Variants in TBL3 observed in about 807,000 individuals in gnomAD.
The protein encoded by TBL3 is transducin beta-like protein 3.
In TBL3, 71 loss-of-function variants were observed where a neutral mutation model predicts 102.7. The ratio of observed to expected loss-of-function variants is 0.69; its 90% CI spans 0.57 to 0.84. The LOEUF (loss-of-function observed/expected upper bound fraction) is 0.84. Ranked by LOEUF, TBL3 falls within the 40% of genes least tolerant of loss-of-function variation. TBL3 has a pLI of 0.00. For missense variants in TBL3, 1,188 were observed against 1,098.5 expected (o/e 1.08, Z -1.15); for synonymous variants, 578 against 477.7 (o/e 1.21, Z -2.74).
At chr16:1,974,016 G>C (rs1257579465) in intron 1 of TBL3, 40 bp from the exon 2 acceptor site, 4 of 1,514,168 alleles carry the variant, frequency 2.6e-6, no homozygotes, top group Middle Eastern at 2.0e-4. Context: ...GGGGACTGAG[G>C]GGGTGGGTGG....
rs1245417734 is a variant in TBL3 at position 1,975,373 on chromosome 16, A to G, written c.740A>G (p.Glu247Gly). The G allele has an allele frequency of 6.2e-7, 1 of 1,613,984 alleles. No homozygotes were observed. Among genetic ancestry groups the G allele is most frequent in the South Asian group, 1.1e-5 (1 of 91,090 alleles). Residue 247 changes from glutamate (E) to glycine (G), a missense_variant, in exon 9 of 22, where the codon GAG (glutamate) becomes GGG (glycine). Coordinates refer to ENST00000568546, the MANE Select transcript of TBL3 (RefSeq NM_006453.3). ...ESVEAAVLLPEEPVSQLGVKS... is the reference protein window; with the variant it reads ...ESVEAAVLLPGEPVSQLGVKS... ...GTGGAGGCTGCTGTGCTGTTGCCAGAGGAGCCAGTGTCCCAGCTGGGTGTG... is the reference window on the plus strand; with the variant it reads ...GTGGAGGCTGCTGTGCTGTTGCCAGGGGAGCCAGTGTCCCAGCTGGGTGTG...
rs372559680 is a variant in TBL3 at position 1,978,688 on chromosome 16, G to T, written c.*3G>T. 1.2e-6 allele frequency: 2 copies of T among 1,604,774 alleles called. No individual in the cohort carries two copies. Among genetic ancestry groups the T allele is most frequent in the Non-Finnish European group, 1.7e-6 (2 of 1,174,020 alleles). ...CCCATAAAGGCGCACTGCCCTAGCC[G>T]GTCCGGCCTCTCTCCAGTCCATCCT... On this transcript the variant is annotated 3_prime_UTR_variant, in exon 22 of 22. Transcript: ENST00000568546.
chr16:1,972,235 G>A (rs1356229898), intron 1 of TBL3, 30 bp downstream of exon 1: 2 of 1,333,132 alleles, frequency 1.5e-6, no homozygotes, highest in South Asian at 1.9e-5. Context: ...GCCGTGCGGG[G>A]AGGGAGCTGG....
At position 1,981,272 on chromosome 16, in the gene TBL3, C is replaced by T; in HGVS notation, c.*2587C>T. The T allele has an allele frequency of 6.4e-7, 1 of 1,564,434 alleles. No homozygotes were observed. Among genetic ancestry groups the T allele is most frequent in the South Asian group, 1.2e-5 (1 of 85,632 alleles). On this transcript the variant is annotated 3_prime_UTR_variant, in exon 22 of 22. Transcript: ENST00000568546. ...GGGCTCTGGGGGACCCAGAAAACCC[C>T]CTGGGATAGAATCCTGGCAACACCT...
chr16:1,977,084 G>A lies in TBL3; in HGVS notation c.1471G>A (p.Asp491Asn), dbSNP rs776696689. 1.4e-5 allele frequency: 23 copies of A among 1,613,236 alleles called. No homozygotes were observed. Among genetic ancestry groups the A allele is most frequent in the Middle Eastern group, 1.6e-4 (1 of 6,062 alleles). ...CAACAGCGTGGCTATTGCCCCCAAC[G>A]ACAAGCTGCTGGCCACAGGCTCACA... is the stretch of plus-strand genomic sequence containing the variant. The part of the protein sequence containing the change: ...DINSVAIAPN[D>N]KLLATGSQDR... The change falls in exon 15 of 22, where the codon GAC becomes AAC. Residue 491 changes from aspartate to asparagine, a missense_variant. Coordinates refer to ENST00000568546, the MANE Select transcript of TBL3 (RefSeq NM_006453.3).
At position 1,981,434 on chromosome 16, in the gene TBL3, A is replaced by C; in HGVS notation, c.*2749A>C. The C allele has an allele frequency of 1.1e-6, 1 of 891,688 alleles. No individual in the cohort carries two copies. The highest frequency in any genetic ancestry group is 1.6e-6 in the Non-Finnish European group (1 of 613,864). 55.2% of individuals were successfully genotyped at this position (891,688 alleles called of 1,614,324 possible). ...GGCAGAGCTGCTGGGAGGAAGAAGA[A>C]GAATGAGCTTTCCAGCCCTGGAGGC... On this transcript the variant is annotated 3_prime_UTR_variant, in exon 22 of 22. Coordinates refer to ENST00000568546, the MANE Select transcript of TBL3 (RefSeq NM_006453.3).
intron 6 of TBL3, 24 bp downstream of exon 6, chr16:1,974,871 G>A (rs374057780): frequency 3.7e-6 from 6 of 1,612,918 alleles, no homozygotes; most frequent in Non-Finnish European, 4.2e-6. Flanking sequence ...TGGAGGGGGA[G>A]GGCAGAGGCA....
In TBL3 at chr16:1,981,378, G is replaced by A. The variant is rs1044059079; in HGVS notation, c.*2693G>A. On this transcript the variant is annotated 3_prime_UTR_variant, in exon 22 of 22. Coordinates refer to ENST00000568546, the MANE Select transcript of TBL3 (RefSeq NM_006453.3). The stretch of plus-strand genomic sequence containing the variant: ...GCTGTCCCCCAAGCCCACGATCTGG[G>A]GGCAGGAGCACAGGGATTGGGGGAC... 1.5e-6 allele frequency: 2 copies of A among 1,354,042 alleles called. No individual in the cohort carries two copies. Among genetic ancestry groups the A allele is most frequent in the African/African-American group, 1.5e-5 (1 of 68,208 alleles). 83.9% of individuals were successfully genotyped at this position (1,354,042 alleles called of 1,614,324 possible). A position where few individuals can be genotyped will look rare whatever the true frequency, so the allele number is the denominator to read the frequency against.
chr16:1,976,756 T>C (rs2083405013), intron 13 of TBL3, 58 bp from the exon 14 acceptor site: 1 of 1,598,104 alleles, frequency 6.3e-7, no homozygotes, highest in East Asian at 2.2e-5. Flanking sequence ...TGTGGGGAGC[T>C]GGCCATCAGG....
At position 1,974,976 on chromosome 16, in the gene TBL3, G is replaced by A. The variant is rs764988315; in HGVS notation, c.513G>A (p.Ser171=). ...PDPTRLLLFS[S]ATDAAIRVWS... ...CTACACGCCTGCTGCTCTTCTCCTC[G>A]GCCACGGATGCCGCCATCCGCGTGT... The change falls in exon 7 of 22, where the codon TCG becomes TCA. Residue 171 remains serine (S), a synonymous_variant. Coordinates refer to ENST00000568546, the MANE Select transcript of TBL3 (RefSeq NM_006453.3). 35 of 1,608,686 alleles carry A rather than the reference G, an allele frequency of 2.2e-5. No individual in the cohort carries two copies. The highest frequency in any genetic ancestry group is 6.7e-5 in the East Asian group (3 of 44,888).
At position 1,974,372 on chromosome 16, in the gene TBL3, C is replaced by G. The variant is rs1012789784; in HGVS notation, c.190-4C>G. The G allele has an allele frequency of 6.2e-7, 1 of 1,608,866 alleles. No individual in the cohort carries two copies. The highest frequency in any genetic ancestry group is 1.3e-5 in the African/African-American group (1 of 74,998). On this transcript the variant is annotated splice_polypyrimidine_tract_variant and splice_region_variant and intron_variant, in intron 3 of 21. Transcript: ENST00000568546. Reference sequence around the variant, plus strand: ...CGTGCTCGGCACACCACTCTTTCTCCTAGGAGGACCAGGAGGACATCACTG... The same window carrying G: ...CGTGCTCGGCACACCACTCTTTCTCGTAGGAGGACCAGGAGGACATCACTG...
chr16:1,981,322 C>A lies in TBL3; in HGVS notation c.*2637C>A. ...TCAAGCCTGTGGGGTCCTTGTGGAG[C>A]CGCCCCAGCTGAGTCCTTTGCAGCT... On this transcript the variant is annotated 3_prime_UTR_variant, in exon 22 of 22. Transcript: ENST00000568546. The A allele has an allele frequency of 2.8e-6, 4 of 1,453,774 alleles. No individual in the cohort carries two copies. Among genetic ancestry groups the A allele is most frequent in the Non-Finnish European group, 3.6e-6 (4 of 1,105,662 alleles). The allele number at this position is 1,453,774 out of a possible 1,614,324, so 90.1% of individuals were successfully genotyped here.
In TBL3 at chr16:1,975,541, T is replaced by C. The variant is rs2150883344; in HGVS notation, c.818T>C (p.Val273Ala). 1 of 1,597,832 alleles carries C rather than the reference T, an allele frequency of 6.3e-7. No individual in the cohort carries two copies. Among genetic ancestry groups the C allele is most frequent in the Non-Finnish European group, 8.5e-7 (1 of 1,176,742 alleles). Residue 273 changes from valine (V) to alanine (A), a missense_variant, in exon 10 of 22, where the codon GTG (valine) becomes GCG (alanine). Coordinates refer to ENST00000568546, the MANE Select transcript of TBL3 (RefSeq NM_006453.3). ...CCCACCCACACAGGCACTCTGCGCG[T>C]GTGGGAGGCAGCTTCTGGGCAGTGT... ...LTAGDQGTLR[V>A]WEAASGQCVY... is the part of the protein sequence containing the mutation.
Position 1,981,283 on chromosome 16 carries a change from A to G in TBL3, c.*2598A>G. On this transcript the variant is annotated 3_prime_UTR_variant, in exon 22 of 22. Transcript: ENST00000568546. Reference sequence around the variant, plus strand: ...GACCCAGAAAACCCCCTGGGATAGAATCCTGGCAACACCTCAAGCCTGTGG... The same window carrying G: ...GACCCAGAAAACCCCCTGGGATAGAGTCCTGGCAACACCTCAAGCCTGTGG... The G allele has an allele frequency of 6.5e-7, 1 of 1,535,732 alleles. No individual in the cohort carries two copies. The highest frequency in any genetic ancestry group is 2.4e-5 in the East Asian group (1 of 42,518).
In TBL3 at chr16:1,979,638, G is replaced by T. The variant is rs2083457079; in HGVS notation, c.*953G>T. 25 of 1,303,458 alleles carry T rather than the reference G, an allele frequency of 1.9e-5. No individual in the cohort carries two copies. The South Asian group carries it at 3.3e-4, about 17-fold the overall frequency. 80.7% of individuals were successfully genotyped at this position (1,303,458 alleles called of 1,614,324 possible). A position where few individuals can be genotyped will look rare whatever the true frequency, so the allele number is the denominator to read the frequency against. On this transcript the variant is annotated 3_prime_UTR_variant, in exon 22 of 22. Coordinates refer to ENST00000568546, the MANE Select transcript of TBL3 (RefSeq NM_006453.3). The stretch of plus-strand genomic sequence containing the variant: ...ATTCTCCTTGCTTGAGTCTGCTGAC[G>T]GCGGGGCCGCTCTAAGACCGGTTCG...
In TBL3 at chr16:1,980,698, C is replaced by A; in HGVS notation, c.*2013C>A. 1 of 1,606,462 alleles carries A rather than the reference C, an allele frequency of 6.2e-7. No individual in the cohort carries two copies. The highest frequency in any genetic ancestry group is 1.7e-5 in the Admixed American group (1 of 59,200). ...ACGCGGTCAGATCTCCGCAGCAGGC[C>A]CGCCTCCACCGGGAAGGTCTCCTTG... On this transcript the variant is annotated 3_prime_UTR_variant, in exon 22 of 22. Coordinates refer to ENST00000568546, the MANE Select transcript of TBL3 (RefSeq NM_006453.3).
Position 1,974,744 on chromosome 16 carries a change from T to G in TBL3, c.380-19T>G. The G allele has an allele frequency of 6.2e-7, 1 of 1,612,096 alleles. No individual in the cohort carries two copies. The highest frequency in any genetic ancestry group is 8.5e-7 in the Non-Finnish European group (1 of 1,179,940). ...CAGGGGCTTTGGGCATTCCACCCCCTCACCTTGCTTCCCCGCAGGTGGCTG... is the reference window on the plus strand; with the variant it reads ...CAGGGGCTTTGGGCATTCCACCCCCGCACCTTGCTTCCCCGCAGGTGGCTG... On this transcript the variant is annotated intron_variant, in intron 5 of 21. Coordinates refer to ENST00000568546, the MANE Select transcript of TBL3 (RefSeq NM_006453.3).
rs774586915 is a variant in TBL3 at position 1,980,196 on chromosome 16, C to T, written c.*1511C>T. 8.8e-6 allele frequency: 14 copies of T among 1,590,092 alleles called. No homozygotes were observed. The highest frequency in any genetic ancestry group is 5.4e-5 in the African/African-American group (4 of 74,734). On this transcript the variant is annotated 3_prime_UTR_variant, in exon 22 of 22. Transcript: ENST00000568546. ...GGATCACCCGGCTGGGAAGGGCAGC[C>T]CGTACGAGTGAGAGGTAGGCGGATG...
At position 1,976,201 on chromosome 16, in the gene TBL3, C is replaced by G; in HGVS notation, c.1189-10C>G. 3 of 1,614,130 alleles carry G rather than the reference C, an allele frequency of 1.9e-6. No homozygotes were observed. Among genetic ancestry groups the G allele is most frequent in the Non-Finnish European group, 2.5e-6 (3 of 1,180,002 alleles). ...TGGACCAGCCTCTCTCCTCAACTCC[C>G]TGTCCCCAGGATCAGAGCGTCCGTA... On this transcript the variant is annotated splice_polypyrimidine_tract_variant and intron_variant, in intron 12 of 21. Coordinates refer to ENST00000568546, the MANE Select transcript of TBL3 (RefSeq NM_006453.3).
Sources: gnomAD v4.1 joint callset for allele counts on GRCh38, gnomAD v4.1.1 for gene constraint, MANE v1.5 for transcripts, NCBI Gene and HGNC (gene_info 2026-07-23, HGNC 2026-07-21) for gene names.